The following PTPRG variants were observed in gnomAD, a reference collection of about 807,000 sequenced individuals.
PTPRG encodes receptor-type tyrosine-protein phosphatase gamma.
Under a neutral mutation model 165.3 loss-of-function variants are expected in PTPRG, and 102 were observed. The observed-to-expected ratio is 0.62, with a 90% CI of 0.53 to 0.73. PTPRG has a LOEUF of 0.73. PTPRG is among the 30% of genes least tolerant of loss of function. PTPRG has a pLI of 0.00. For missense variants in PTPRG, 1,866 were observed against 1,861.4 expected (o/e 1.00, Z -0.05); for synonymous variants, 675 against 669.5 (o/e 1.01, Z -0.13).
intron 1 of PTPRG, among the ~76,000 whole-genome samples, chr3:61,745,908 A>T (rs541592836): frequency 1.3e-4 from 20 of 152,242 alleles, no homozygotes; most frequent in Non-Finnish European, 2.6e-4. Context: ...TTTGGTACAA[A>T]AGACAGAAAA....
intron 2 of PTPRG, among the ~76,000 whole-genome samples, chr3:61,908,121 T>TAAAAAA (rs1183592777): frequency 3.3e-4 from 22 of 67,186 alleles, no homozygotes; most frequent in African/African-American, 1.1e-3. Flanking sequence ...CACCTCTCTT[T>TAAAAAA]AAAAAAAAAA....
intron 4 of PTPRG, among the ~76,000 whole-genome samples, chr3:62,073,012 A>G (rs1701260187): frequency 6.6e-6 from 1 of 152,204 alleles, no homozygotes; most frequent in African/African-American, 2.4e-5. Context: ...TGACAGGGAA[A>G]TAGTTTTGAA....
At chr3:62,080,062 A>ATTTTT (rs759641101) in intron 5 of PTPRG, among the ~76,000 whole-genome samples, 4 of 128,850 alleles carry the variant, frequency 3.1e-5, no homozygotes, top group African/African-American at 1.1e-4. Flanking sequence ...CCTTCGGTTC[A>ATTTTT]TTTTTTTTTT....
intron 2 of PTPRG, among the ~76,000 whole-genome samples, chr3:61,790,545 G>C (rs573141076): frequency 6.6e-6 from 1 of 152,334 alleles, no homozygotes; most frequent in East Asian, 1.9e-4. Flanking sequence ...TGCTGCTGAT[G>C]TGTTTTGCTT....
At chr3:62,127,131 A>G (rs750667559) in intron 5 of PTPRG, among the ~76,000 whole-genome samples, 11 of 152,214 alleles carry the variant, frequency 7.2e-5, no homozygotes, top group South Asian at 2.1e-4. Context: ...CATTTCCTAA[A>G]TTATTGCCAA....
intron 12 of PTPRG, among the ~76,000 whole-genome samples, chr3:62,206,351 G>A (rs1700230275): frequency 1.3e-5 from 2 of 152,158 alleles, no homozygotes; most frequent in Non-Finnish European, 2.9e-5. Context: ...TGGCAGAGTG[G>A]CTTTGGGAGT....
rs552943330 is a variant in PTPRG at position 62,203,010 on chromosome 3, C to G, written c.1378-163C>G. Among the ~76,000 whole-genome samples the G allele has an allele frequency of 1.7e-3, 253 of 152,322 alleles. No individual in the cohort carries two copies. Among genetic ancestry groups the G allele is most frequent in the Non-Finnish European group, 3.0e-3 (204 of 68,032 alleles). ...TAAAAGTTGATCACCCATGGACCAC[C>G]TAATGTCAACTTTATGCCATACATT... is the stretch of plus-strand genomic sequence containing the variant. On this transcript the variant is annotated intron_variant, in intron 11 of 29. Coordinates refer to ENST00000474889, the MANE Select transcript of PTPRG (RefSeq NM_002841.4). The surrounding 1 kb of genome is among the most constrained non-coding windows in gnomAD (Gnocchi z 6.4).
intron 5 of PTPRG, among the ~76,000 whole-genome samples, chr3:62,098,607 G>A (rs1702191195): frequency 6.6e-6 from 1 of 152,048 alleles, no homozygotes; most frequent in African/African-American, 2.4e-5. Context: ...TAAGTAACTT[G>A]CCCAAGGTCA....
At chr3:62,280,296 G>A (rs144512446) in intron 26 of PTPRG, among the ~76,000 whole-genome samples, 4 of 151,918 alleles carry the variant, frequency 2.6e-5, no homozygotes, top group Non-Finnish European at 4.4e-5. Context: ...CCAAGGCCTT[G>A]TGTCCTCATC....
At position 62,036,439 on chromosome 3, in the gene PTPRG, G is replaced by A. The variant is rs78499246; in HGVS notation, c.519+32942G>A. ...GTCCTGGCATTATTTGGGAGCAGTG[G>A]CCACCTCTCCTGCCACTCCACACTG... On this transcript the variant is annotated intron_variant, in intron 4 of 29. Transcript: ENST00000474889. Among the ~76,000 whole-genome samples the A allele has an allele frequency of 6.9e-3, 1,053 of 152,152 alleles. 17 individuals are homozygous for A. Among genetic ancestry groups the A allele is most frequent in the African/African-American group, 0.023 (967 of 41,496 alleles).
At position 62,218,972 on chromosome 3, in the gene PTPRG, C is replaced by A; in HGVS notation, c.2277C>A (p.Leu759=). The A allele has an allele frequency of 6.2e-7, 1 of 1,613,692 alleles. No individual in the cohort carries two copies. The highest frequency in any genetic ancestry group is 8.5e-7 in the Non-Finnish European group (1 of 1,179,850). The part of the protein sequence containing the change: ...FVCLILLIAV[L]VYWRGCNKIK... ...GCCTCATCCTTCTCATTGCTGTGCT[C>A]GTTTACTGGAGGTAAGCCAGGCAGC... Residue 759 remains leucine (L), a synonymous_variant, in exon 13 of 30, where the codon CTC becomes CTA. Transcript: ENST00000474889.
chr3:61,993,976 A>G (rs1363018421), intron 3 of PTPRG, among the ~76,000 whole-genome samples: 4 of 152,344 alleles, frequency 2.6e-5, no homozygotes, highest in East Asian at 3.9e-4. Context: ...ATCCAGCATA[A>G]TCAATAGAGC....
chr3:61,968,134 T>G (rs774541264), intron 2 of PTPRG, among the ~76,000 whole-genome samples: 21 of 152,220 alleles, frequency 1.4e-4, no homozygotes, highest in Non-Finnish European at 2.5e-4. Flanking sequence ...TGATGTCATT[T>G]TGGCCATAAA....
At chr3:61,892,894 G>C (rs943690751) in intron 2 of PTPRG, among the ~76,000 whole-genome samples, 3 of 151,990 alleles carry the variant, frequency 2.0e-5, no homozygotes, top group Admixed American at 2.0e-4. Context: ...ATAAAAATTG[G>C]GGCTCACTTT....
intron 2 of PTPRG, among the ~76,000 whole-genome samples, chr3:61,883,664 C>T (rs1447141651): frequency 1.3e-5 from 2 of 152,030 alleles, no homozygotes; most frequent in African/African-American, 4.8e-5. Flanking sequence ...GTTTGAGATA[C>T]CTTTTATGGG....
chr3:62,273,203 T>G lies in PTPRG; in HGVS notation c.3318+122T>G. ...GCTTGCAGTAATTTACAGGTTTGTATTAGAAGATATTCTGACAATGATCCT... is the reference window on the plus strand; with the variant it reads ...GCTTGCAGTAATTTACAGGTTTGTAGTAGAAGATATTCTGACAATGATCCT... On this transcript the variant is annotated intron_variant, in intron 22 of 29. Coordinates refer to ENST00000474889, the MANE Select transcript of PTPRG (RefSeq NM_002841.4). The surrounding 1 kb of genome is among the most constrained non-coding windows in gnomAD (Gnocchi z 4.1). 1 of 1,094,402 alleles carries G rather than the reference T, an allele frequency of 9.1e-7. No homozygotes were observed. Among genetic ancestry groups the G allele is most frequent in the Non-Finnish European group, 1.3e-6 (1 of 790,894 alleles). 67.8% of individuals were successfully genotyped at this position (1,094,402 alleles called of 1,614,324 possible).
chr3:61,829,735 GT>G (rs561797306), intron 2 of PTPRG, among the ~76,000 whole-genome samples: 1 of 152,068 alleles, frequency 6.6e-6, no homozygotes, highest in African/African-American at 2.4e-5. Flanking sequence ...CTTCCTTTTG[GT>G]TTTTTTAATT....
chr3:61,609,844 AAAAT>A (rs1243404679), intron 1 of PTPRG, among the ~76,000 whole-genome samples: 4 of 152,082 alleles, frequency 2.6e-5, no homozygotes, highest in African/African-American at 9.7e-5. Flanking sequence ...ATCCTATCTC[AAAAT>A]AAATAAATAA....
chr3:62,031,946 C>CT (rs1699783193), intron 4 of PTPRG, among the ~76,000 whole-genome samples: 1 of 152,050 alleles, frequency 6.6e-6, no homozygotes, highest in Non-Finnish European at 1.5e-5. Context: ...TTGGAAATGT[C>CT]TAAGAAACCA....
Sources: gnomAD v4.1 joint callset for allele counts (sites outside exome capture counted in the v4.1 genomes callset) on GRCh38, gnomAD v4.1.1 for gene constraint, Gnocchi (gnomAD v3.1) non-coding constraint, MANE v1.5 for transcripts, NCBI Gene and HGNC (gene_info 2026-07-23, HGNC 2026-07-21) for gene names.